Variants in ST3GAL3 observed in about 807,000 individuals in gnomAD.
ST3GAL3 encodes the protein ST3 beta-galactoside alpha-2,3-sialyltransferase 3.
A neutral mutation model predicts 50.1 loss-of-function variants in ST3GAL3; 21 were observed. That is an observed-to-expected ratio of 0.42 (90% CI 0.30 to 0.60). The LOEUF is 0.60. Ranked by LOEUF, ST3GAL3 falls within the 20% of genes least tolerant of loss-of-function variation. ST3GAL3 has a pLI of 0.19. For synonymous variants in ST3GAL3, 183 were observed against 190.0 expected, an observed-to-expected ratio of 0.96 and a Z score of 0.30; for missense variants, 353 against 489.4, an observed-to-expected ratio of 0.72 and a Z score of 2.63.
intron 1 of ST3GAL3, among the ~76,000 whole-genome samples, chr1:43,709,849 A>G (rs72884938): frequency 0.073 from 11,076 of 152,018 alleles, 1,343 homozygotes; most frequent in African/African-American, 0.25. Flanking sequence ...CTCGGTCAAA[A>G]AAAAGAAAGA....
chr1:43,924,791 T>C (rs2083622982), intron 11 of ST3GAL3, among the ~76,000 whole-genome samples: 1 of 152,076 alleles, frequency 6.6e-6, no homozygotes, highest in South Asian at 2.1e-4. Context: ...ACTCAAGAAA[T>C]AGGATTTTAA....
intron 2 of ST3GAL3, among the ~76,000 whole-genome samples, chr1:43,782,714 T>C (rs572726472): frequency 2.0e-5 from 3 of 151,894 alleles, no homozygotes; most frequent in South Asian, 2.1e-4. Flanking sequence ...CAGTGCTTTA[T>C]GTTAATTTGG....
chr1:43,832,546 A>C (rs1430387654), intron 4 of ST3GAL3, among the ~76,000 whole-genome samples: 1 of 152,178 alleles, frequency 6.6e-6, no homozygotes, highest in Non-Finnish European at 1.5e-5. Context: ...CACAGCCCAC[A>C]TGTGGGTAGA....
At chr1:43,751,612 C>G (rs1686109349) in intron 2 of ST3GAL3, among the ~76,000 whole-genome samples, 1 of 152,154 alleles carries the variant, frequency 6.6e-6, no homozygotes, top group East Asian at 1.9e-4. Flanking sequence ...CAGAGACACA[C>G]TCAAATGCAT....
intron 1 of ST3GAL3, chr1:43,720,420 A>G (rs1449929245): frequency 6.6e-6 from 1 of 152,220 alleles, no homozygotes; most frequent in Non-Finnish European, 1.5e-5. Flanking sequence ...TTGTGTTACT[A>G]TAACAATAGC....
chr1:43,904,910 C>G (rs1485659043), intron 9 of ST3GAL3, among the ~76,000 whole-genome samples: 261 of 144,622 alleles, frequency 1.8e-3, no homozygotes, highest in African/African-American at 6.5e-3. Flanking sequence ...CCTCCTCCTG[C>G]TCCTCTTCCC....
Position 43,930,245 on chromosome 1 carries a change from AG to A in ST3GAL3, c.*26del. On this transcript the variant is annotated 3_prime_UTR_variant, in exon 12 of 12. Coordinates refer to ENST00000347631, the MANE Select transcript of ST3GAL3 (RefSeq NM_006279.5). ...GAGTGGGCCCAGCACATGGCCATAG[AG>A]GCCCAGGCACCACCAGGAGCAGCAG... is the stretch of plus-strand genomic sequence containing the variant. 1 of 1,606,200 alleles carries A rather than the reference AG, an allele frequency of 6.2e-7. No individual in the cohort carries two copies. Among genetic ancestry groups the A allele is most frequent in the Non-Finnish European group, 8.5e-7 (1 of 1,174,322 alleles).
At chr1:43,916,559 A>C (rs1043767971) in intron 9 of ST3GAL3, 2 of 152,238 alleles carry the variant, frequency 1.3e-5, no homozygotes, top group African/African-American at 4.8e-5. Context: ...TGTTGGTTAC[A>C]TACATTATGG....
intron 2 of ST3GAL3, among the ~76,000 whole-genome samples, chr1:43,741,813 A>T (rs1287430074): frequency 1.3e-5 from 2 of 152,222 alleles, no homozygotes; most frequent in Non-Finnish European, 2.9e-5. Context: ...GGAAAACTCG[A>T]GGTGAGCGCC....
intron 5 of ST3GAL3, chr1:43,851,588 C>T: frequency 1.0e-5 from 14 of 1,402,684 alleles, no homozygotes; most frequent in Non-Finnish European, 1.4e-5. Flanking sequence ...CCGAGGTAAT[C>T]AGCTCCAATC....
chr1:43,758,607 T>C (rs1689014864), intron 2 of ST3GAL3, among the ~76,000 whole-genome samples: 1 of 152,194 alleles, frequency 6.6e-6, no homozygotes, highest in Non-Finnish European at 1.5e-5. Context: ...ATTTTTCTTA[T>C]ATCCTTTGGT....
intron 5 of ST3GAL3, among the ~76,000 whole-genome samples, chr1:43,860,126 C>T (rs1222409363): frequency 1.3e-5 from 2 of 152,150 alleles, no homozygotes; most frequent in African/African-American, 4.8e-5. Flanking sequence ...GGAGAATGAC[C>T]ACTGGTTGGA....
Position 43,899,441 on chromosome 1 carries a change from A to C in ST3GAL3, c.558-100A>C, listed in dbSNP as rs1002290397. Reference sequence around the variant, plus strand: ...GGGGGCACCTGGGGAGAATAGGTCCAGGTGACCTGGACTCCCTATTCTCCA... The same window carrying C: ...GGGGGCACCTGGGGAGAATAGGTCCCGGTGACCTGGACTCCCTATTCTCCA... On this transcript the variant is annotated intron_variant, in intron 8 of 11. Coordinates refer to ENST00000347631, the MANE Select transcript of ST3GAL3 (RefSeq NM_006279.5). The surrounding 1 kb of genome is among the most constrained non-coding windows in gnomAD (Gnocchi z 5.4). 6.3e-7 allele frequency: 1 copy of C among 1,580,450 alleles called. No homozygotes were observed. Among genetic ancestry groups the C allele is most frequent in the Non-Finnish European group, 8.6e-7 (1 of 1,162,042 alleles).
intron 4 of ST3GAL3, among the ~76,000 whole-genome samples, chr1:43,831,405 G>A (rs1172469615): frequency 1.3e-5 from 2 of 152,220 alleles, no homozygotes; most frequent in East Asian, 3.9e-4. Flanking sequence ...AATGGGTAGA[G>A]AAGAGATACT....
Position 43,747,534 on chromosome 1 carries a change from G to T in ST3GAL3, c.118+11154G>T, listed in dbSNP as rs117323232. ...CACCTCCACGTGTTCAACGGTCTGG[G>T]AACTCTGCAGACCCCATAGCTCAGG... On this transcript the variant is annotated intron_variant, in intron 2 of 11. Transcript: ENST00000347631. Among the ~76,000 whole-genome samples the T allele has an allele frequency of 1.3e-4, 20 of 151,616 alleles. No homozygotes were observed. In the East Asian group the frequency reaches 3.5e-3, roughly 27 times the overall value.
chr1:43,852,931 T>C (rs368993249), intron 5 of ST3GAL3, among the ~76,000 whole-genome samples: 1 of 152,228 alleles, frequency 6.6e-6, no homozygotes, highest in Non-Finnish European at 1.5e-5. Flanking sequence ...TGACTTTCAT[T>C]ATAATTAGAT....
At chr1:43,795,005 T>C (rs2058523991) in intron 3 of ST3GAL3, among the ~76,000 whole-genome samples, 2 of 152,286 alleles carry the variant, frequency 1.3e-5, no homozygotes, top group East Asian at 3.9e-4. Flanking sequence ...TCTAGTGTGT[T>C]GATATATTAT....
intron 5 of ST3GAL3, among the ~76,000 whole-genome samples, chr1:43,879,808 G>A (rs116645614): frequency 1.8e-3 from 272 of 152,262 alleles, no homozygotes; most frequent in African/African-American, 6.2e-3. Flanking sequence ...GTGACCCTGC[G>A]TATCACTGGT....
chr1:43,830,672 G>C (rs957045181), intron 4 of ST3GAL3, among the ~76,000 whole-genome samples: 1 of 152,178 alleles, frequency 6.6e-6, no homozygotes, highest in Non-Finnish European at 1.5e-5. Context: ...AATTTTATGA[G>C]ATATAGCCCT....
Sources: allele counts gnomAD v4.1 joint callset (sites outside exome capture counted in the v4.1 genomes callset), GRCh38; gene constraint gnomAD v4.1.1; non-coding constraint Gnocchi (gnomAD v3.1); transcripts MANE v1.5; gene names NCBI Gene and HGNC (gene_info 2026-07-23, HGNC 2026-07-21).